Variants in FLRT1 observed in about 807,000 individuals in gnomAD.
FLRT1 encodes the protein leucine-rich repeat transmembrane protein FLRT1.
Under a neutral mutation model 30.9 loss-of-function variants are expected in FLRT1, and 14 were observed. That is an observed-to-expected ratio of 0.45 (90% CI 0.30 to 0.71). FLRT1 has a LOEUF of 0.71. Ranked by LOEUF, FLRT1 falls within the 30% of genes least tolerant of loss-of-function variation. FLRT1 has a pLI of 0.08. For missense variants in FLRT1, 737 were observed against 949.2 expected (o/e 0.78, Z 2.94); for synonymous variants, 368 against 430.4 (o/e 0.85, Z 1.80).
Position 64,116,254 on chromosome 11 carries a change from C to G in FLRT1, c.-14C>G, listed in dbSNP as rs78353563. On this transcript the variant is annotated 5_prime_UTR_variant, in exon 3 of 3. Transcript: ENST00000682287. ...TCCAGGCCAGGTGGGGCCGGACGCC[C>G]CCAGCCATCCACCATGGTGGTGGCA... The G allele has an allele frequency of 7.5e-6, 12 of 1,589,784 alleles. No individual in the cohort carries two copies. Among genetic ancestry groups the G allele is most frequent in the Non-Finnish European group, 1.0e-5 (12 of 1,172,092 alleles).
At chr11:64,077,545 G>A (rs979086188) in intron 1 of FLRT1, among the ~76,000 whole-genome samples, 2 of 152,074 alleles carry the variant, frequency 1.3e-5, no homozygotes, top group Non-Finnish European at 2.9e-5. Flanking sequence ...GGTGAGGGGC[G>A]GGGCAGGGGG....
chr11:64,097,798 G>A (rs1245232615), intron 1 of FLRT1, among the ~76,000 whole-genome samples: 2 of 152,158 alleles, frequency 1.3e-5, no homozygotes, highest in African/African-American at 4.8e-5. Flanking sequence ...ACAGCCTCCA[G>A]AGGCCTTCCT....
Position 64,118,604 on chromosome 11 carries a change from T to C in FLRT1, c.*312T>C, listed in dbSNP as rs1470739358. ...GCAGGGCTGGGTTGGGTTTTTTTTT[T>C]TTCCCCCCTGAACTGGAAGGATACT... On this transcript the variant is annotated 3_prime_UTR_variant, in exon 3 of 3. Coordinates refer to ENST00000682287, the MANE Select transcript of FLRT1 (RefSeq NM_013280.5). 23 of 296,056 alleles carry C rather than the reference T, an allele frequency of 7.8e-5. No homozygotes were observed. Among genetic ancestry groups the C allele is most frequent in the East Asian group, 5.7e-4 (9 of 15,912 alleles). 18.3% of individuals were successfully genotyped at this position (296,056 alleles called of 1,614,324 possible).
chr11:64,118,275 G>A lies in FLRT1; in HGVS notation c.2008G>A (p.Asp670Asn). The change falls in exon 3 of 3, where the codon GAC becomes AAC. Residue 670 changes from aspartate (D) to asparagine (N), a missense_variant. Asp to Asn is a conservative substitution (Grantham distance 23). Transcript: ENST00000682287. ...GYRDGGIPDI[D>N]YSYT ...CCGGGACGGCGGCATCCCCGACATA[G>A]ACTACTCCTACACATGATGCCCGCC... 3 of 1,585,348 alleles carry A rather than the reference G, an allele frequency of 1.9e-6. No homozygotes were observed. Among genetic ancestry groups the A allele is most frequent in the Non-Finnish European group, 2.6e-6 (3 of 1,161,854 alleles).
intron 1 of FLRT1, among the ~76,000 whole-genome samples, chr11:64,077,106 C>T (rs1339645435): frequency 6.6e-6 from 1 of 152,180 alleles, no homozygotes; most frequent in Non-Finnish European, 1.5e-5. Context: ...CAGTGCCCTC[C>T]ACCTCAGTCC....
intron 1 of FLRT1, among the ~76,000 whole-genome samples, chr11:64,046,604 G>A (rs1943588876): frequency 6.6e-6 from 1 of 152,100 alleles, no homozygotes; most frequent in African/African-American, 2.4e-5. Context: ...CAGGCTAGAG[G>A]ACAAGATCAT....
intron 1 of FLRT1, among the ~76,000 whole-genome samples, chr11:64,058,933 T>C (rs2134431735): frequency 6.6e-6 from 1 of 152,210 alleles, no homozygotes; most frequent in East Asian, 1.9e-4. Flanking sequence ...GAGTGACACA[T>C]GGACCCAGGC....
chr11:64,118,087 A>C lies in FLRT1; in HGVS notation c.1820A>C (p.Lys607Thr). 6.2e-7 allele frequency: 1 copy of C among 1,611,778 alleles called. No homozygotes were observed. The highest frequency in any genetic ancestry group is 1.3e-5 in the African/African-American group (1 of 75,040). Residue 607 changes from lysine to threonine, a missense_variant, in exon 3 of 3, where the codon AAG (lysine) becomes ACG (threonine). Lys to Thr is a moderately conservative substitution (Grantham distance 78). Coordinates refer to ENST00000682287, the MANE Select transcript of FLRT1 (RefSeq NM_013280.5). ...GACTATATGGAGTCAGGGACCAAGA[A>C]GGATAACTCCATCCTGGAAATCCGC... ...KDDYMESGTK[K>T]DNSILEIRGP... is the part of the protein sequence containing the mutation.
At chr11:64,110,165 T>G (rs957792626) in intron 2 of FLRT1, among the ~76,000 whole-genome samples, 3 of 152,078 alleles carry the variant, frequency 2.0e-5, no homozygotes, top group African/African-American at 7.2e-5. Flanking sequence ...TAACACAGCC[T>G]GAGGCCCGGC....
rs993036909 is a variant in FLRT1, at chr11:64,090,236, G to T, written c.-1037-12958G>T. The stretch of plus-strand genomic sequence containing the variant: ...CAGGGTGTGGGAAAGGCCAACGGGC[G>T]TGTGGGTCTCCAGCCTTTGCTCATC... On this transcript the variant is annotated intron_variant, in intron 1 of 2. Coordinates refer to ENST00000682287, the MANE Select transcript of FLRT1 (RefSeq NM_013280.5). The surrounding 1 kb of genome is among the most constrained non-coding windows in gnomAD (Gnocchi z 4.7). Among the ~76,000 whole-genome samples, 1 of 152,192 alleles carries T rather than the reference G, an allele frequency of 6.6e-6. No homozygotes were observed. Among genetic ancestry groups the T allele is most frequent in the Admixed American group, 6.5e-5 (1 of 15,286 alleles).
intron 1 of FLRT1, among the ~76,000 whole-genome samples, chr11:64,091,171 G>A (rs866023899): frequency 7.0e-6 from 1 of 142,552 alleles, no homozygotes; most frequent in African/African-American, 2.6e-5. Flanking sequence ...TGGGGAGGGG[G>A]CCTAAGACTC....
rs982591868 is a variant in FLRT1, at chr11:64,119,092, G to T, written c.*800G>T. 1.2e-5 allele frequency: 2 copies of T among 167,258 alleles called. No individual in the cohort carries two copies. The highest frequency in any genetic ancestry group is 4.8e-5 in the African/African-American group (2 of 41,456). The allele number at this position is 167,258 out of a possible 1,614,324, so 10.4% of individuals were successfully genotyped here. ...CGGTGTCTCTAAGTACAGATGGGTA[G>T]ATAGAGCCACATGCACGGTCCTTAC... On this transcript the variant is annotated 3_prime_UTR_variant, in exon 3 of 3. Coordinates refer to ENST00000682287, the MANE Select transcript of FLRT1 (RefSeq NM_013280.5).
At chr11:64,084,159 C>G (rs551376986) in intron 1 of FLRT1, among the ~76,000 whole-genome samples, 1 of 152,272 alleles carries the variant, frequency 6.6e-6, no homozygotes, top group African/African-American at 2.4e-5. Context: ...ATGGCACGCG[C>G]GCCTTCTGCA....
chr11:64,078,149 T>G (rs961899313), intron 1 of FLRT1, among the ~76,000 whole-genome samples: 1 of 152,106 alleles, frequency 6.6e-6, no homozygotes, highest in Admixed American at 6.5e-5. Context: ...CCTCTCAACC[T>G]CAACCCTCCT....
intron 2 of FLRT1, among the ~76,000 whole-genome samples, chr11:64,108,925 C>T (rs1207619304): frequency 1.3e-5 from 2 of 152,192 alleles, no homozygotes; most frequent in Admixed American, 6.5e-5. Context: ...CAGCCAGATT[C>T]CTAAGGACAG....
intron 1 of FLRT1, among the ~76,000 whole-genome samples, chr11:64,062,994 C>A (rs1435351325): frequency 6.6e-6 from 1 of 152,224 alleles, no homozygotes; most frequent in Non-Finnish European, 1.5e-5. Context: ...GGACAGGGCT[C>A]CCGGCCCATC....
intron 1 of FLRT1, among the ~76,000 whole-genome samples, chr11:64,043,385 C>G (rs773970948): frequency 1.3e-5 from 2 of 152,176 alleles, no homozygotes; most frequent in Non-Finnish European, 2.9e-5. Flanking sequence ...TGCTGAGCCC[C>G]GAGGTCTGGG....
chr11:64,109,057 C>T (rs1944814481), intron 2 of FLRT1, among the ~76,000 whole-genome samples: 1 of 152,168 alleles, frequency 6.6e-6, no homozygotes, highest in Admixed American at 6.5e-5. Flanking sequence ...ATGCAGGACA[C>T]TTCCTCTCCC....
At chr11:64,045,633 G>A (rs1217234301) in intron 1 of FLRT1, among the ~76,000 whole-genome samples, 1 of 152,178 alleles carries the variant, frequency 6.6e-6, no homozygotes, top group Non-Finnish European at 1.5e-5. Context: ...CGTCCTGAGG[G>A]TACAGATTGG....
Sources: allele counts gnomAD v4.1 joint callset (sites outside exome capture counted in the v4.1 genomes callset), GRCh38; gene constraint gnomAD v4.1.1; non-coding constraint Gnocchi (gnomAD v3.1); transcripts MANE v1.5; gene names NCBI Gene and HGNC (gene_info 2026-07-23, HGNC 2026-07-21).